DOCK2: variants seen among roughly 807,000 people sequenced by gnomAD.
DOCK2 encodes the protein dedicator of cytokinesis 2, also known as dedicator of cytokinesis protein 2.
In DOCK2, 87 loss-of-function variants were observed where a neutral mutation model predicts 248.9. The observed-to-expected ratio is 0.35, with a 90% CI of 0.29 to 0.42. The LOEUF (loss-of-function observed/expected upper bound fraction) is 0.42, where lower values mean the gene tolerates loss of function less well. Ranked by LOEUF, DOCK2 falls within the 10% of genes least tolerant of loss-of-function variation. DOCK2 has a pLI of 1.00. For missense variants in DOCK2, 1,747 were observed against 2,300.2 expected, an observed-to-expected ratio of 0.76 and a Z score of 4.92; for synonymous variants, 805 against 821.6, an observed-to-expected ratio of 0.98 and a Z score of 0.35.
At chr5:169,987,674 G>A (rs750019854) in intron 29 of DOCK2, among the ~76,000 whole-genome samples, 2 of 152,132 alleles carry the variant, frequency 1.3e-5, no homozygotes. Context: ...TCATTTTTGG[G>A]AGAGGCCCCC....
intron 22 of DOCK2, among the ~76,000 whole-genome samples, chr5:169,745,878 A>G (rs1311331868): frequency 1.3e-5 from 2 of 152,164 alleles, no homozygotes; most frequent in South Asian, 4.1e-4. Flanking sequence ...AAGGCTCAGG[A>G]GTGAGCTGTG....
chr5:169,637,858 A>G (rs1307959629), intron 1 of DOCK2, among the ~76,000 whole-genome samples: 1 of 152,146 alleles, frequency 6.6e-6, no homozygotes, highest in Non-Finnish European at 1.5e-5. Flanking sequence ...CAGGGCATCC[A>G]GAGGGCAGCT....
At chr5:170,048,332 A>G (rs1021739823) in intron 40 of DOCK2, among the ~76,000 whole-genome samples, 2 of 152,174 alleles carry the variant, frequency 1.3e-5, no homozygotes, top group Non-Finnish European at 2.9e-5. Flanking sequence ...TTGAGGCTAC[A>G]GTGAGTCATG....
intron 27 of DOCK2, among the ~76,000 whole-genome samples, chr5:169,853,305 G>C (rs552264473): frequency 2.2e-4 from 34 of 152,228 alleles, no homozygotes; most frequent in Admixed American, 2.2e-3. Context: ...CACTGCCCCT[G>C]GGAAAATCCT....
chr5:169,737,727 C>T (rs1246498978), intron 22 of DOCK2, among the ~76,000 whole-genome samples: 1 of 152,180 alleles, frequency 6.6e-6, no homozygotes, highest in East Asian at 1.9e-4. Flanking sequence ...CCAGCAATTC[C>T]AGACAGCTGA....
intron 32 of DOCK2, among the ~76,000 whole-genome samples, chr5:170,009,337 A>T (rs1224384102): frequency 6.6e-6 from 1 of 152,146 alleles, no homozygotes; most frequent in Non-Finnish European, 1.5e-5. Flanking sequence ...TAATCTTCAC[A>T]TCACTTCCTG....
At chr5:169,766,965 A>G (rs1312932911) in intron 25 of DOCK2, among the ~76,000 whole-genome samples, 1 of 152,174 alleles carries the variant, frequency 6.6e-6, no homozygotes, top group African/African-American at 2.4e-5. Flanking sequence ...CATGCTGGCC[A>G]GGCTGGTCTC....
rs1432203532 is a variant in DOCK2 at position 169,881,455 on chromosome 5, G to A, written c.2799+40603G>A. On this transcript the variant is annotated intron_variant, in intron 27 of 51. Transcript: ENST00000520908. ...ATAAAAGTTGCGCCTGCAAGACAGA[G>A]CATTTGCTGGATAAATCTATGGGCA... 7 of 1,550,384 alleles carry A rather than the reference G, an allele frequency of 4.5e-6. No individual in the cohort carries two copies. In the East Asian group the frequency reaches 7.3e-5, roughly 16 times the overall value.
chr5:169,988,492 A>G (rs1044639668), intron 29 of DOCK2, among the ~76,000 whole-genome samples: 2 of 151,984 alleles, frequency 1.3e-5, no homozygotes, highest in Admixed American at 6.6e-5. Flanking sequence ...TCTCTGTATT[A>G]TTATTATTAT....
chr5:169,656,246 C>T (rs1021946940), intron 2 of DOCK2, among the ~76,000 whole-genome samples: 2 of 152,082 alleles, frequency 1.3e-5, no homozygotes, highest in African/African-American at 4.8e-5. Flanking sequence ...GAGAAACAGG[C>T]ACGAGACCTC....
At chr5:169,747,700 C>A (rs550319479) in intron 23 of DOCK2, among the ~76,000 whole-genome samples, 196 bp downstream of exon 23, 1 of 152,314 alleles carries the variant, frequency 6.6e-6, no homozygotes, top group African/African-American at 2.4e-5. Context: ...ATGAAGCTAG[C>A]AGTGCCTTCT....
chr5:169,712,454 T>C (rs988795748), intron 17 of DOCK2, among the ~76,000 whole-genome samples: 5 of 152,198 alleles, frequency 3.3e-5, no homozygotes, highest in Admixed American at 6.5e-5. Context: ...AACATAGCAA[T>C]GATGAGTACA....
intron 27 of DOCK2, among the ~76,000 whole-genome samples, chr5:169,955,124 A>C (rs1776810476): frequency 6.6e-6 from 1 of 152,220 alleles, no homozygotes; most frequent in Non-Finnish European, 1.5e-5. Flanking sequence ...GCAGAGATTC[A>C]GGAATGATGG....
Position 169,737,680 on chromosome 5 carries a change from T to C in DOCK2, c.2268-9716T>C, listed in dbSNP as rs529713116. Among the ~76,000 whole-genome samples the C allele has an allele frequency of 9.2e-5, 14 of 152,262 alleles. No homozygotes were observed. The South Asian group carries it at 2.9e-3, about 32-fold the overall frequency. The stretch of plus-strand genomic sequence containing the variant: ...ATGGCCAATGCTACATAACAAAGCC[T>C]ATATAAAATCACAAAAGGACTGGGT... On this transcript the variant is annotated intron_variant, in intron 22 of 51. Transcript: ENST00000520908.
intron 47 of DOCK2, 41 bp from the exon 48 acceptor site, chr5:170,077,669 C>T (rs1757881445): frequency 1.2e-6 from 2 of 1,609,430 alleles, no homozygotes; most frequent in Non-Finnish European, 1.7e-6. Context: ...GGCCACCTTC[C>T]CCAGGCTACA....
At chr5:169,819,843 CA>C (rs1428078144) in intron 26 of DOCK2, among the ~76,000 whole-genome samples, 2 of 152,192 alleles carry the variant, frequency 1.3e-5, no homozygotes, top group Non-Finnish European at 2.9e-5. Context: ...CCAGGAAACG[CA>C]AGGGGTCAGG....
intron 27 of DOCK2, among the ~76,000 whole-genome samples, chr5:169,857,806 A>G (rs545885259): frequency 2.0e-5 from 3 of 150,790 alleles, no homozygotes; most frequent in African/African-American, 2.4e-5. Flanking sequence ...ATTTAATTCT[A>G]GGAATTAAAT....
intron 23 of DOCK2, among the ~76,000 whole-genome samples, chr5:169,747,725 G>A (rs1044713086): frequency 3.3e-5 from 5 of 152,168 alleles, no homozygotes; most frequent in Admixed American, 3.3e-4. Flanking sequence ...AAATAGCTCT[G>A]AAATTTTTGT....
intron 17 of DOCK2, 139 bp from the exon 18 acceptor site, chr5:169,713,889 T>G: frequency 3.3e-6 from 3 of 902,584 alleles, no homozygotes; most frequent in Non-Finnish European, 4.6e-6. Flanking sequence ...CACCAGCCAA[T>G]GTCTATTGCT....
Sources: allele counts gnomAD v4.1 joint callset (sites outside exome capture counted in the v4.1 genomes callset), GRCh38; gene constraint gnomAD v4.1.1; transcripts MANE v1.5; gene names NCBI Gene and HGNC (gene_info 2026-07-23, HGNC 2026-07-21).